Variants in PDCD10 observed in about 807,000 individuals in gnomAD.
PDCD10 encodes programmed cell death protein 10.
In PDCD10, 4 loss-of-function variants were observed where a neutral mutation model predicts 29.2. The ratio of observed to expected loss-of-function variants is 0.14; its 90% CI spans 0.07 to 0.31. The LOEUF (loss-of-function observed/expected upper bound fraction) is 0.31. PDCD10 is among the 10% of genes least tolerant of loss of function. PDCD10 has a pLI of 1.00. For synonymous variants in PDCD10, 70 were observed against 82.2 expected, an observed-to-expected ratio of 0.85 and a Z score of 0.80; for missense variants, 183 against 257.9, an observed-to-expected ratio of 0.71 and a Z score of 1.99.
At chr3:167,709,554 G>C (rs1047833254) in intron 3 of PDCD10, among the ~76,000 whole-genome samples, 1 of 152,130 alleles carries the variant, frequency 6.6e-6, no homozygotes, top group Non-Finnish European at 1.5e-5. Flanking sequence ...GACGTGACAC[G>C]GTCAGAGGAG....
chr3:167,685,438 A>C (rs1719510902), intron 8 of PDCD10, among the ~76,000 whole-genome samples: 1 of 151,710 alleles, frequency 6.6e-6, no homozygotes, highest in Admixed American at 6.6e-5. Context: ...GCCAGGAAGA[A>C]ATAGCTGAAT....
chr3:167,732,979 C>A (rs1724973500), intron 2 of PDCD10, among the ~76,000 whole-genome samples: 1 of 152,138 alleles, frequency 6.6e-6, no homozygotes, highest in African/African-American at 2.4e-5. Context: ...GTACATTATT[C>A]CTGATTTTAC....
chr3:167,705,105 A>T (rs1275291870), intron 3 of PDCD10, among the ~76,000 whole-genome samples: 1 of 152,196 alleles, frequency 6.6e-6, no homozygotes, highest in Non-Finnish European at 1.5e-5. Flanking sequence ...AAAAAATTAA[A>T]AGCAACCCAT....
At chr3:167,691,814 T>C (rs1431112597) in intron 6 of PDCD10, among the ~76,000 whole-genome samples, 1 of 152,186 alleles carries the variant, frequency 6.6e-6, no homozygotes, top group Non-Finnish European at 1.5e-5. Flanking sequence ...TGGCATTAGA[T>C]TGCCTGGGTT....
At chr3:167,685,396 C>CAAAAA (rs1184281849) in intron 8 of PDCD10, among the ~76,000 whole-genome samples, 42 of 55,782 alleles carry the variant, frequency 7.5e-4, no homozygotes, top group East Asian at 2.3e-3. Flanking sequence ...ACTCTGTCTC[C>CAAAAA]AAAAAAAAAA....
At chr3:167,685,396 CAA>C (rs1184281849) in intron 8 of PDCD10, among the ~76,000 whole-genome samples, 92 of 55,954 alleles carry the variant, frequency 1.6e-3, no homozygotes, top group African/African-American at 2.3e-3. Context: ...ACTCTGTCTC[CAA>C]AAAAAAAAAA....
chr3:167,693,032 T>C (rs1242886664), intron 6 of PDCD10, among the ~76,000 whole-genome samples: 1 of 152,232 alleles, frequency 6.6e-6, no homozygotes, highest in Non-Finnish European at 1.5e-5. Flanking sequence ...CCTTAATTAT[T>C]GTCAAAGAGT....
At chr3:167,693,408 T>C (rs1720466965) in intron 6 of PDCD10, among the ~76,000 whole-genome samples, 1 of 152,218 alleles carries the variant, frequency 6.6e-6, no homozygotes, top group Non-Finnish European at 1.5e-5. Flanking sequence ...CTTAAAAGGC[T>C]ATCAAGTACC....
In PDCD10 at chr3:167,720,287, A is replaced by C. The variant is rs984630391; in HGVS notation, c.-116-14T>G. The C allele has an allele frequency of 1.5e-6, 1 of 681,966 alleles. No individual in the cohort carries two copies. 42.2% of individuals were successfully genotyped at this position (681,966 alleles called of 1,614,324 possible). On this transcript the variant is annotated splice_polypyrimidine_tract_variant and intron_variant, in intron 2 of 8. Coordinates refer to ENST00000392750, the MANE Select transcript of PDCD10 (RefSeq NM_007217.4). Reference sequence around the variant, plus strand: ...AAACACACTGATCTGGTGAAAGAGGAAGAAAGAACAGAGACTTACTATATT... The same window carrying C: ...AAACACACTGATCTGGTGAAAGAGGCAGAAAGAACAGAGACTTACTATATT...
chr3:167,698,735 G>A (rs1350286707), intron 4 of PDCD10, among the ~76,000 whole-genome samples: 1 of 139,700 alleles, frequency 7.2e-6, no homozygotes, highest in Non-Finnish European at 1.6e-5. Context: ...ATCTTGGGGA[G>A]AGGGGGAACA....
At chr3:167,715,188 G>A (rs777570482) in intron 3 of PDCD10, among the ~76,000 whole-genome samples, 1 of 151,972 alleles carries the variant, frequency 6.6e-6, no homozygotes, top group African/African-American at 2.4e-5. Flanking sequence ...TTAATAAATG[G>A]TGCACAGAAA....
chr3:167,687,509 G>C, intron 7 of PDCD10, 106 bp downstream of exon 7: 1 of 791,982 alleles, frequency 1.3e-6, no homozygotes, highest in Non-Finnish European at 2.2e-6. Context: ...AATGGTTAAT[G>C]ACACAAAACT....
intron 6 of PDCD10, among the ~76,000 whole-genome samples, chr3:167,693,345 A>G (rs1720461308): frequency 6.6e-6 from 1 of 152,246 alleles, no homozygotes; most frequent in Non-Finnish European, 1.5e-5. Context: ...TATCATTATT[A>G]TTCTCTAAAG....
At chr3:167,703,148 A>C (rs942580159) in intron 4 of PDCD10, among the ~76,000 whole-genome samples, 2 of 152,132 alleles carry the variant, frequency 1.3e-5, no homozygotes, top group African/African-American at 4.8e-5. Context: ...TTCTCTTAGC[A>C]ATACTACTGT....
chr3:167,690,765 G>C (rs895401906), intron 6 of PDCD10, among the ~76,000 whole-genome samples: 1 of 152,170 alleles, frequency 6.6e-6, no homozygotes, highest in Non-Finnish European at 1.5e-5. Flanking sequence ...GCTAGGTTCT[G>C]TGCTAGGCAC....
intron 6 of PDCD10, among the ~76,000 whole-genome samples, chr3:167,689,878 T>C (rs1720028011): frequency 6.6e-6 from 1 of 152,178 alleles, no homozygotes; most frequent in Admixed American, 6.5e-5. Context: ...TGCAGCAATG[T>C]ATGTCAAATA....
chr3:167,732,071 G>C (rs1484829589), intron 2 of PDCD10, among the ~76,000 whole-genome samples: 1 of 152,182 alleles, frequency 6.6e-6, no homozygotes, highest in Non-Finnish European at 1.5e-5. Flanking sequence ...GTGTTAAACA[G>C]AGTAAGAAGG....
chr3:167,695,515 T>C lies in PDCD10; in HGVS notation c.395+81A>G, dbSNP rs113321517. The C allele has an allele frequency of 4.6e-4, 576 of 1,257,904 alleles. 2 individuals carry two copies. The African/African-American group carries it at 7.7e-3, about 17-fold the overall frequency. The allele number at this position is 1,257,904 out of a possible 1,614,324, so 77.9% of individuals were successfully genotyped here. On this transcript the variant is annotated intron_variant, in intron 6 of 8. Transcript: ENST00000392750. ...TCAAATAAGCATTTCAAGTTAGTCA[T>C]ACCAAAATTAAAAAATGTAGATGAG...
At chr3:167,731,072 C>T (rs1360130481) in intron 2 of PDCD10, 3 of 152,044 alleles carry the variant, frequency 2.0e-5, no homozygotes, top group South Asian at 4.1e-4. Context: ...CCAGTACCAA[C>T]GTTCTGGAAA....
Sources: gnomAD v4.1 joint callset for allele counts (sites outside exome capture counted in the v4.1 genomes callset) on GRCh38, gnomAD v4.1.1 for gene constraint, MANE v1.5 for transcripts, NCBI Gene and HGNC (gene_info 2026-07-23, HGNC 2026-07-21) for gene names.